The following FRAS1 variants were observed in gnomAD, a reference collection of about 807,000 sequenced individuals.
The protein encoded by FRAS1 is Fraser extracellular matrix complex subunit 1, also known as extracellular matrix organizing protein FRAS1.
In FRAS1, 290 loss-of-function variants were observed where a neutral mutation model predicts 435.2. The observed-to-expected ratio is 0.67, with a 90% CI of 0.61 to 0.73. FRAS1 has a LOEUF of 0.73. Among genes scored for constraint, FRAS1 ranks in the 30% least tolerant of loss-of-function variants. The pLI, the probability that FRAS1 is intolerant of heterozygous loss-of-function variation, is 0.00. For synonymous variants in FRAS1, 1,800 were observed against 1,851.0 expected (o/e 0.97, Z 0.71); for missense variants, 4,860 against 5,001.5 (o/e 0.97, Z 0.85).
chr4:78,086,690 T>A (rs185994765), intron 2 of FRAS1, among the ~76,000 whole-genome samples: 3,111 of 152,216 alleles, frequency 0.02, 106 homozygotes, highest in African/African-American at 0.071. Context: ...AATGGATAAA[T>A]TCCTGGACAC....
At chr4:78,273,439 T>C (rs994520808) in intron 9 of FRAS1, among the ~76,000 whole-genome samples, 25 of 152,332 alleles carry the variant, frequency 1.6e-4, no homozygotes, top group African/African-American at 6.0e-4. Context: ...AGTATGATAT[T>C]GGCTGTGGGT....
At chr4:78,355,078 C>G (rs1342617136) in intron 20 of FRAS1, among the ~76,000 whole-genome samples, 1 of 152,088 alleles carries the variant, frequency 6.6e-6, no homozygotes, top group Non-Finnish European at 1.5e-5. Context: ...ATATTTTTAT[C>G]TGTTTAAATT....
intron 31 of FRAS1, among the ~76,000 whole-genome samples, chr4:78,412,216 T>G (rs991806281): frequency 2.0e-5 from 3 of 149,912 alleles, no homozygotes; most frequent in African/African-American, 7.6e-5. Flanking sequence ...TATCCCTGCC[T>G]CTTTTTCTCA....
intron 9 of FRAS1, among the ~76,000 whole-genome samples, chr4:78,271,880 G>A (rs1004516498): frequency 2.0e-5 from 3 of 152,212 alleles, no homozygotes; most frequent in Admixed American, 1.3e-4. Context: ...GATCCCTGAG[G>A]AATTGGCACA....
In FRAS1 at chr4:78,441,210, A is replaced by G; in HGVS notation, c.5578A>G (p.Thr1860Ala). 1 of 1,613,558 alleles carries G rather than the reference A, an allele frequency of 6.2e-7. No homozygotes were observed. Among genetic ancestry groups the G allele is most frequent in the Non-Finnish European group, 8.5e-7 (1 of 1,179,638 alleles). The change falls in exon 41 of 74, where the codon ACT becomes GCT. Residue 1860 changes from threonine (T) to alanine (A), a missense_variant. Transcript: ENST00000512123. ...ACTCTCATTTCACCATTTTTTTGCTACTGATGATGATGACAACCTCCAGAG... is the reference window on the plus strand; with the variant it reads ...ACTCTCATTTCACCATTTTTTTGCTGCTGATGATGATGACAACCTCCAGAG... Reference protein sequence around the residue: ...APLSFHHFFATDDDDNLQRDA... With the variant: ...APLSFHHFFAADDDDNLQRDA...
chr4:78,534,720 C>A, intron 71 of FRAS1, 105 bp downstream of exon 71: 1 of 1,041,670 alleles, frequency 9.6e-7, no homozygotes, highest in East Asian at 2.7e-5. Flanking sequence ...CAGTCACCAC[C>A]CCAGTAAAGA....
chr4:78,207,569 A>C (rs1352096920), intron 2 of FRAS1, among the ~76,000 whole-genome samples: 4 of 152,224 alleles, frequency 2.6e-5, no homozygotes, highest in Admixed American at 6.5e-5. Flanking sequence ...ACTTGCTTCT[A>C]GTAGGCTCCA....
intron 70 of FRAS1, 93 bp downstream of exon 70, chr4:78,526,750 A>G (rs778053920): frequency 2.7e-5 from 21 of 775,914 alleles, no homozygotes; most frequent in Middle Eastern, 2.6e-4. Flanking sequence ...CCAAATCAAC[A>G]TGGTGCTTTC....
At chr4:78,515,269 G>A (rs186050705) in intron 65 of FRAS1, among the ~76,000 whole-genome samples, 139 of 149,288 alleles carry the variant, frequency 9.3e-4, no homozygotes, top group Non-Finnish European at 1.5e-3. Flanking sequence ...ACTTTCCCCC[G>A]ACAAGAGTTC....
At chr4:78,530,883 G>C (rs4453958) in intron 70 of FRAS1, among the ~76,000 whole-genome samples, 2 of 151,936 alleles carry the variant, frequency 1.3e-5, no homozygotes, top group Admixed American at 1.3e-4. Context: ...AAGAAAGTCC[G>C]TTTGTAGCTT....
At chr4:78,117,441 C>G (rs781347592) in intron 2 of FRAS1, among the ~76,000 whole-genome samples, 84 of 152,198 alleles carry the variant, frequency 5.5e-4, no homozygotes, top group Admixed American at 1.4e-3. Context: ...CAACTTGGTT[C>G]CGTTCTCCCT....
chr4:78,508,316 C>A (rs1025017303), intron 62 of FRAS1, among the ~76,000 whole-genome samples: 6 of 152,118 alleles, frequency 3.9e-5, no homozygotes, highest in Non-Finnish European at 8.8e-5. Flanking sequence ...TCTTATTTGG[C>A]CATGGAAGAA....
chr4:78,412,907 ACG>A, intron 31 of FRAS1, 60 bp from the exon 32 acceptor site: 1 of 953,378 alleles, frequency 1.0e-6, no homozygotes, highest in South Asian at 1.8e-5. Context: ...GGAAAAACCC[ACG>A]TACTAACATG....
intron 61 of FRAS1, among the ~76,000 whole-genome samples, chr4:78,505,569 C>G (rs757814298): frequency 4.6e-5 from 7 of 152,194 alleles, no homozygotes; most frequent in Non-Finnish European, 7.3e-5. Flanking sequence ...CCATGGTTTT[C>G]AGCTCAATCA....
chr4:78,223,878 C>A (rs904562129), intron 2 of FRAS1, among the ~76,000 whole-genome samples: 25 of 152,276 alleles, frequency 1.6e-4, no homozygotes, highest in African/African-American at 6.0e-4. Flanking sequence ...TTCTTATACA[C>A]TTCCTATTTG....
In FRAS1 at chr4:78,315,744, G is replaced by A; in HGVS notation, c.1819+10G>A. 1 of 1,613,776 alleles carries A rather than the reference G, an allele frequency of 6.2e-7. No individual in the cohort carries two copies. The highest frequency in any genetic ancestry group is 8.5e-7 in the Non-Finnish European group (1 of 1,179,758). On this transcript the variant is annotated intron_variant, in intron 16 of 73. Transcript: ENST00000512123. ...ACTGGCAGGTGCAAAGGTAAGAGATGGGTCACCATCATCATCATCAAAAAG... is the reference window on the plus strand; with the variant it reads ...ACTGGCAGGTGCAAAGGTAAGAGATAGGTCACCATCATCATCATCAAAAAG...
intron 31 of FRAS1, among the ~76,000 whole-genome samples, chr4:78,411,036 T>C (rs1479118745): frequency 6.6e-6 from 1 of 152,204 alleles, no homozygotes. Context: ...AAACAAATCC[T>C]TTTCTAATAA....
intron 60 of FRAS1, among the ~76,000 whole-genome samples, chr4:78,499,405 C>T (rs1356218236): frequency 6.6e-6 from 1 of 152,154 alleles, no homozygotes; most frequent in Non-Finnish European, 1.5e-5. Context: ...TTAAAACATT[C>T]TGTGAACTGT....
intron 37 of FRAS1, 132 bp downstream of exon 37, chr4:78,430,549 A>G (rs778692606): frequency 1.2e-4 from 109 of 931,064 alleles, no homozygotes; most frequent in Middle Eastern, 3.3e-4. Flanking sequence ...TTTTGTGTGT[A>G]GTTTCATTGG....
Sources: gnomAD v4.1 joint callset for allele counts (sites outside exome capture counted in the v4.1 genomes callset) on GRCh38, gnomAD v4.1.1 for gene constraint, MANE v1.5 for transcripts, NCBI Gene and HGNC (gene_info 2026-07-23, HGNC 2026-07-21) for gene names.